PCDHGA1: variants seen among roughly 807,000 people sequenced by gnomAD.
PCDHGA1 encodes protocadherin gamma-A1.
Under a neutral mutation model 58.0 loss-of-function variants are expected in PCDHGA1, and 32 were observed. The ratio of observed to expected loss-of-function variants is 0.55; its 90% CI spans 0.42 to 0.74. The LOEUF (loss-of-function observed/expected upper bound fraction) is 0.74. PCDHGA1 is among the 30% of genes least tolerant of loss of function. The pLI is 0.00. For synonymous variants in PCDHGA1, 498 were observed against 501.1 expected, an observed-to-expected ratio of 0.99 and a Z score of 0.08; for missense variants, 1,205 against 1,182.3, an observed-to-expected ratio of 1.02 and a Z score of -0.28.
chr5:141,359,218 A>G (rs1208654805), intron 1 of PCDHGA1, among the ~76,000 whole-genome samples: 1 of 152,164 alleles, frequency 6.6e-6, no homozygotes, highest in Admixed American at 6.5e-5. Context: ...GACAACTTAC[A>G]TCTGAGGAGA....
intron 1 of PCDHGA1, among the ~76,000 whole-genome samples, chr5:141,343,613 G>A (rs1757302050): frequency 1.3e-5 from 2 of 152,186 alleles, no homozygotes; most frequent in South Asian, 4.1e-4. Flanking sequence ...TTAGTGCATG[G>A]ATTCCCAAGA....
intron 2 of PCDHGA1, among the ~76,000 whole-genome samples, chr5:141,502,787 G>T (rs2099816081): frequency 6.6e-6 from 1 of 151,394 alleles, no homozygotes; most frequent in African/African-American, 2.4e-5. Flanking sequence ...TTACCTGGAT[G>T]ATTTCTTCAG....
At chr5:141,438,591 CATATATAT>C (rs946798767) in intron 1 of PCDHGA1, among the ~76,000 whole-genome samples, 35 of 75,562 alleles carry the variant, frequency 4.6e-4, no homozygotes, top group South Asian at 1.0e-3. Flanking sequence ...TACATACATA[CATATATAT>C]ATATATATAT....
chr5:141,419,358 C>A (rs569760413), intron 1 of PCDHGA1: 1 of 1,613,810 alleles, frequency 6.2e-7, no homozygotes, highest in South Asian at 1.1e-5. Flanking sequence ...GAGTCACGAA[C>A]GCTGTCGTCC....
intron 1 of PCDHGA1, chr5:141,428,018 C>T (rs771831423): frequency 1.9e-6 from 3 of 1,604,570 alleles, no homozygotes; most frequent in Non-Finnish European, 2.6e-6. Flanking sequence ...TAGTGCCACG[C>T]GCCGCAGAGT....
rs1289898516 is a variant in PCDHGA1 at position 141,487,019 on chromosome 5, C to G, written c.2422-7788C>G. ...CTATCAGCTCCTGGAGGCCCCAGAT[C>G]CCAGCCTGTTTGCAGTCTCTCGATA... On this transcript the variant is annotated intron_variant, in intron 1 of 3. Transcript: ENST00000517417. The surrounding 1 kb of genome is among the most constrained non-coding windows in gnomAD (Gnocchi z 5.0). 1 of 1,614,204 alleles carries G rather than the reference C, an allele frequency of 6.2e-7. No homozygotes were observed. The highest frequency in any genetic ancestry group is 8.5e-7 in the Non-Finnish European group (1 of 1,180,042).
intron 1 of PCDHGA1, among the ~76,000 whole-genome samples, chr5:141,494,113 C>G (rs2099751999): frequency 6.6e-6 from 1 of 152,214 alleles, no homozygotes; most frequent in Non-Finnish European, 1.5e-5. Flanking sequence ...TCAGACAGAG[C>G]AGCCTTGTTC....
At chr5:141,430,635 T>C (rs1561846344) in intron 1 of PCDHGA1, 1 of 881,828 alleles carries the variant, frequency 1.1e-6, no homozygotes, top group African/African-American at 1.7e-5. Context: ...GAACCATCCC[T>C]GGGAGTATGT....
chr5:141,482,220 G>T (rs945741591), intron 1 of PCDHGA1, among the ~76,000 whole-genome samples: 8 of 152,148 alleles, frequency 5.3e-5, no homozygotes, highest in African/African-American at 1.9e-4. Flanking sequence ...ACTTGTTTTG[G>T]TGTGAAATTG....
chr5:141,374,955 T>C (rs1213878932), intron 1 of PCDHGA1: 2 of 1,613,888 alleles, frequency 1.2e-6, no homozygotes. Flanking sequence ...ATCTCACAAA[T>C]TTTCTGTTTG....
intron 2 of PCDHGA1, among the ~76,000 whole-genome samples, chr5:141,498,411 C>T (rs747823234): frequency 2.0e-5 from 3 of 152,158 alleles, no homozygotes; most frequent in Non-Finnish European, 4.4e-5. Context: ...TTTCTCTTTG[C>T]TGGCACTGGA....
intron 1 of PCDHGA1, chr5:141,385,286 A>G: frequency 3.1e-6 from 5 of 1,613,826 alleles, no homozygotes; most frequent in Non-Finnish European, 4.2e-6. Flanking sequence ...ACATCCGTAG[A>G]TTTTCAGGAA....
At position 141,416,146 on chromosome 5, in the gene PCDHGA1, G is replaced by T. The variant is rs114133295; in HGVS notation, c.2422-78661G>T. 4.2e-3 allele frequency: 636 copies of T among 153,236 alleles called. 7 individuals carry two copies. Among genetic ancestry groups the T allele is most frequent in the South Asian group, 0.03 (145 of 4,832 alleles). 9.5% of individuals were successfully genotyped at this position (153,236 alleles called of 1,614,324 possible). Reference sequence around the variant, plus strand: ...TATATTTTTCAATCTATACTTTGTGGTGATAGTTGCAGTTGAATATACTAA... The same window carrying T: ...TATATTTTTCAATCTATACTTTGTGTTGATAGTTGCAGTTGAATATACTAA... On this transcript the variant is annotated intron_variant, in intron 1 of 3. Transcript: ENST00000517417.
chr5:141,398,584 A>T lies in PCDHGA1; in HGVS notation c.2421+65479A>T, dbSNP rs201021035. On this transcript the variant is annotated intron_variant, in intron 1 of 3. Transcript: ENST00000517417. Reference sequence around the variant, plus strand: ...GTCTGCACAGCCTGGCACAAGATTTATACTAGAAGTAGCAGAAGATGCAGA... The same window carrying T: ...GTCTGCACAGCCTGGCACAAGATTTTTACTAGAAGTAGCAGAAGATGCAGA... 1.9e-6 allele frequency: 3 copies of T among 1,614,066 alleles called. No homozygotes were observed. In the South Asian group the frequency reaches 3.3e-5, roughly 18 times the overall value.
chr5:141,482,514 G>A (rs2099563611), intron 1 of PCDHGA1, among the ~76,000 whole-genome samples: 1 of 130,122 alleles, frequency 7.7e-6, no homozygotes. Flanking sequence ...CCAGAGTACA[G>A]TATGAGACAG....
chr5:141,414,159 A>G (rs2095715416), intron 1 of PCDHGA1: 1 of 1,602,874 alleles, frequency 6.2e-7, no homozygotes. Context: ...CAGAAGATGG[A>G]GGAGCATATC....
Position 141,486,276 on chromosome 5 carries a change from T to C in PCDHGA1, c.2422-8531T>C. The C allele has an allele frequency of 1.2e-6, 2 of 1,613,980 alleles. No homozygotes were observed. The highest frequency in any genetic ancestry group is 1.7e-6 in the Non-Finnish European group (2 of 1,179,974). On this transcript the variant is annotated intron_variant, in intron 1 of 3. Coordinates refer to ENST00000517417, the MANE Select transcript of PCDHGA1 (RefSeq NM_018912.3). The surrounding 1 kb of genome is among the most constrained non-coding windows in gnomAD (Gnocchi z 5.0). ...CCCGAGAGTGCAGAACCTGGCACTG[T>C]GGTGGCACTTATCAGTGTGCAGGAT...
intron 1 of PCDHGA1, chr5:141,384,161 C>T (rs1476096646): frequency 1.2e-6 from 2 of 1,613,520 alleles, no homozygotes; most frequent in Non-Finnish European, 1.7e-6. Flanking sequence ...TATAACATCA[C>T]ACTGAAAGCC....
intron 1 of PCDHGA1, chr5:141,338,652 GCAAA>G (rs777463080): frequency 4.1e-5 from 10 of 245,794 alleles, no homozygotes; most frequent in Middle Eastern, 1.4e-3. Context: ...GTCAACAAAG[GCAAA>G]CAAACAAGAA....
Sources: gnomAD v4.1 joint callset for allele counts (sites outside exome capture counted in the v4.1 genomes callset) on GRCh38, gnomAD v4.1.1 for gene constraint, Gnocchi (gnomAD v3.1) non-coding constraint, MANE v1.5 for transcripts, NCBI Gene and HGNC (gene_info 2026-07-23, HGNC 2026-07-21) for gene names.